The following SVEP1 variants were observed in gnomAD, a reference collection of about 807,000 sequenced individuals.
The protein encoded by SVEP1 is sushi, von Willebrand factor type A, EGF and pentraxin domain containing 1, also known as sushi, von Willebrand factor type A, EGF and pentraxin domain-containing protein 1.
In SVEP1, 164 loss-of-function variants were observed where a neutral mutation model predicts 367.3. The observed-to-expected ratio is 0.45, with a 90% CI of 0.39 to 0.51. The LOEUF (loss-of-function observed/expected upper bound fraction) is 0.51, where lower values mean the gene tolerates loss of function less well. Among genes scored for constraint, SVEP1 ranks in the 20% least tolerant of loss-of-function variants. The pLI is 0.00. For synonymous variants in SVEP1, 1,666 were observed against 1,611.6 expected, an observed-to-expected ratio of 1.03 and a Z score of -0.81; for missense variants, 4,117 against 4,425.3, an observed-to-expected ratio of 0.93 and a Z score of 1.98.
rs544260208 is a variant in SVEP1 at position 110,397,228 on chromosome 9, A to G, written c.9822+3626T>C. Among the ~76,000 whole-genome samples, 262 of 152,316 alleles carry G rather than the reference A, an allele frequency of 1.7e-3. 1 individual carries two copies. The highest frequency in any genetic ancestry group is 7.4e-3 in the Admixed American group (113 of 15,306). On this transcript the variant is annotated intron_variant, in intron 40 of 47. Transcript: ENST00000374469. ...AAATGTAATCCAGCATATAAACAGA[A>G]CCAAAGACAAAAACCACATGATTAT...
rs1337138313 is a variant in SVEP1 at position 110,404,362 on chromosome 9, A to G, written c.9631T>C (p.Tyr3211His). The stretch of plus-strand genomic sequence containing the variant: ...GATATGTTAACTCCCTCAAAGGTAT[A>G]CCCTTCTGCACATGACACAGAAACT... ...RQVSVSCAEG[Y>H]TFEGVNISVC... Residue 3211 changes from tyrosine to histidine, a missense_variant, in exon 39 of 48, where the codon TAT becomes CAT. This residue lies in a region of SVEP1 where 1,765 missense variants were observed against 1,781.1 expected (regional missense o/e 0.99). Coordinates refer to ENST00000374469, the MANE Select transcript of SVEP1 (RefSeq NM_153366.4). The G allele has an allele frequency of 6.2e-7, 1 of 1,613,966 alleles. No homozygotes were observed. The highest frequency in any genetic ancestry group is 1.7e-5 in the Admixed American group (1 of 60,016).
rs1827593378 is a variant in SVEP1, at chr9:110,389,568, C to T, written c.9842G>A (p.Cys3281Tyr). 6.2e-7 allele frequency: 1 copy of T among 1,613,726 alleles called. No individual in the cohort carries two copies. The highest frequency in any genetic ancestry group is 8.5e-7 in the Non-Finnish European group (1 of 1,179,774). The stretch of plus-strand genomic sequence containing the variant: ...TCCACTCCACTGTCTGTTCTCCTGG[C>T]AGACACGTTCCCTGTTCCCCTGTGA... ...YELEGNRERVCQENRQWSGGV... is the reference protein window; with the variant it reads ...YELEGNRERVYQENRQWSGGV... Residue 3281 changes from cysteine to tyrosine, a missense_variant, in exon 41 of 48, where the codon TGC (cysteine) becomes TAC (tyrosine). Around this residue, in one of 4 missense-constraint regions of SVEP1, gnomAD observed 1,765 missense variants for 1,781.1 expected, o/e 0.99. Transcript: ENST00000374469.
intron 40 of SVEP1, among the ~76,000 whole-genome samples, chr9:110,390,375 T>TTG (rs1827636543): frequency 2.3e-5 from 1 of 43,952 alleles, no homozygotes; most frequent in Non-Finnish European, 4.6e-5. Flanking sequence ...TTATATCTAC[T>TTG]TATATATATA....
chr9:110,508,542 A>C (rs1829658704), intron 5 of SVEP1, among the ~76,000 whole-genome samples: 4 of 152,140 alleles, frequency 2.6e-5, no homozygotes, highest in Middle Eastern at 3.4e-3. Flanking sequence ...CGGGTGGATC[A>C]TGAGGTCAGG....
chr9:110,411,514 T>A lies in SVEP1; in HGVS notation c.6197A>T (p.Lys2066Met). ...NSQLLCNAQG[K>M]WVPPEGQDMP... is the part of the protein sequence containing the mutation. ...GTCTTGACCTTCTGGGGGTACCCAC[T>A]TGCCCTGGGCATTGCAGAGAAGCTG... The change falls in exon 37 of 48, where the codon AAG (lysine) becomes ATG (methionine). Residue 2066 changes from lysine to methionine, a missense_variant. This residue lies in a region of SVEP1 where 2,174 missense variants were observed against 2,494.3 expected (regional missense o/e 0.87). Coordinates refer to ENST00000374469, the MANE Select transcript of SVEP1 (RefSeq NM_153366.4). 1 of 1,614,044 alleles carries A rather than the reference T, an allele frequency of 6.2e-7. No homozygotes were observed.
At position 110,411,269 on chromosome 9, in the gene SVEP1, C is replaced by T. The variant is rs1333908603; in HGVS notation, c.6442G>A (p.Glu2148Lys). Residue 2148 changes from glutamate to lysine, a missense_variant, in exon 37 of 48, where the codon GAG (glutamate) becomes AAG (lysine). By Grantham distance (56) the Glu-to-Lys change is moderately conservative. Transcript: ENST00000374469. ...TAGCCATTCATGATGCTTGGTGGCT[C>T]TCCACACCGCACAGGGATGCACTGG... Reference protein sequence around the residue: ...SIQCIPVRCGEPPSIMNGYAS... With the variant: ...SIQCIPVRCGKPPSIMNGYAS... 1 of 1,613,898 alleles carries T rather than the reference C, an allele frequency of 6.2e-7. No homozygotes were observed.
intron 42 of SVEP1, 125 bp from the exon 43 acceptor site, chr9:110,386,199 T>C: frequency 9.9e-7 from 1 of 1,007,738 alleles, no homozygotes; most frequent in East Asian, 2.8e-5. Context: ...GGTTTAAAAA[T>C]ATGGAACTCC....
intron 25 of SVEP1, among the ~76,000 whole-genome samples, 164 bp downstream of exon 25, chr9:110,446,736 T>A (rs1040290684): frequency 6.6e-6 from 1 of 152,210 alleles, no homozygotes; most frequent in Admixed American, 6.5e-5. Flanking sequence ...AGGATAATAG[T>A]AGTAGTACCT....
chr9:110,454,962 T>C (rs1262111302), intron 22 of SVEP1, among the ~76,000 whole-genome samples: 1 of 152,128 alleles, frequency 6.6e-6, no homozygotes, highest in African/African-American at 2.4e-5. Context: ...AAAATAAAAG[T>C]TGAAATTATT....
rs1338214800 is a variant in SVEP1 at position 110,469,072 on chromosome 9, G to T, written c.3028C>A (p.Leu1010Met). 3 of 1,613,430 alleles carry T rather than the reference G, an allele frequency of 1.9e-6. No individual in the cohort carries two copies. The Middle Eastern group carries it at 5.0e-4, about 266-fold the overall frequency. The change falls in exon 17 of 48, where the codon CTG becomes ATG. Residue 1010 changes from leucine to methionine, a missense_variant. Around this residue, in one of 4 missense-constraint regions of SVEP1, gnomAD observed 2,174 missense variants for 2,494.3 expected, o/e 0.87. Coordinates refer to ENST00000374469, the MANE Select transcript of SVEP1 (RefSeq NM_153366.4). ...CAGCTTTCACAGGTGAAATGTTCCA[G>T]ATTATAATAGGTTCCCAAAGGGCAA... ...VNCPLGTYYN[L>M]EHFTCESCRI...
Position 110,404,315 on chromosome 9 carries a change from A to C in SVEP1, c.9666+12T>G, listed in dbSNP as rs373128383. ...GTAGGCATTACACATTCTAATTAAG[A>C]CAGAATCTTACCTGACATACTGATA... On this transcript the variant is annotated intron_variant, in intron 39 of 47. Coordinates refer to ENST00000374469, the MANE Select transcript of SVEP1 (RefSeq NM_153366.4). 4.0e-5 allele frequency: 65 copies of C among 1,612,888 alleles called. No individual in the cohort carries two copies. The highest frequency in any genetic ancestry group is 3.3e-4 in the Middle Eastern group (2 of 6,016).
At chr9:110,474,649 G>A (rs1301232578) in intron 14 of SVEP1, among the ~76,000 whole-genome samples, 1 of 152,150 alleles carries the variant, frequency 6.6e-6, no homozygotes, top group Non-Finnish European at 1.5e-5. Context: ...AACCTGGATC[G>A]TGTTTAACAG....
At chr9:110,461,228 CA>C (rs1458250814) in intron 18 of SVEP1, among the ~76,000 whole-genome samples, 5 of 152,150 alleles carry the variant, frequency 3.3e-5, no homozygotes, top group Admixed American at 2.6e-4. Flanking sequence ...TAGCAGAGGG[CA>C]GGGGGACAGA....
chr9:110,379,160 C>T (rs143664520), intron 44 of SVEP1, among the ~76,000 whole-genome samples, 187 bp downstream of exon 44: 4 of 152,084 alleles, frequency 2.6e-5, no homozygotes, highest in Non-Finnish European at 4.4e-5. Flanking sequence ...AAGCACAGAA[C>T]CTAAGAGTTC....
intron 27 of SVEP1, 117 bp downstream of exon 27, chr9:110,443,428 G>C (rs1828543571): frequency 1.1e-6 from 1 of 943,240 alleles, no homozygotes; most frequent in Admixed American, 4.0e-5. Flanking sequence ...AAATAAGAGA[G>C]ATAGCTGTTA....
intron 1 of SVEP1, among the ~76,000 whole-genome samples, chr9:110,571,584 A>C (rs1187423400): frequency 2.6e-5 from 4 of 152,230 alleles, no homozygotes; most frequent in African/African-American, 9.6e-5. Flanking sequence ...TTTTCTACTC[A>C]AGGCTTAATT....
intron 5 of SVEP1, among the ~76,000 whole-genome samples, chr9:110,509,130 C>T (rs752679738): frequency 6.6e-6 from 1 of 152,150 alleles, no homozygotes; most frequent in Admixed American, 6.5e-5. Context: ...TTGTAAGACA[C>T]AACATTATTT....
In SVEP1 at chr9:110,539,891, A is replaced by C. The variant is rs115671179; in HGVS notation, c.964+6224T>G. Among the ~76,000 whole-genome samples, 707 of 152,174 alleles carry C rather than the reference A, an allele frequency of 4.6e-3. 4 individuals carry two copies. Among genetic ancestry groups the C allele is most frequent in the African/African-American group, 0.016 (659 of 41,554 alleles). Reference sequence around the variant, plus strand: ...ATTAATTTTTAAATGTTCTGTGACCAAAGTGGCTAGACTATAGACTGTGCA... The same window carrying C: ...ATTAATTTTTAAATGTTCTGTGACCCAAGTGGCTAGACTATAGACTGTGCA... On this transcript the variant is annotated intron_variant, in intron 3 of 47. Coordinates refer to ENST00000374469, the MANE Select transcript of SVEP1 (RefSeq NM_153366.4).
At chr9:110,532,266 A>G (rs1186582402) in intron 3 of SVEP1, among the ~76,000 whole-genome samples, 1 of 152,194 alleles carries the variant, frequency 6.6e-6, no homozygotes, top group Non-Finnish European at 1.5e-5. Flanking sequence ...CCTACCAAAC[A>G]TTATAATACC....
Sources: allele counts gnomAD v4.1 joint callset (sites outside exome capture counted in the v4.1 genomes callset), GRCh38; gene constraint gnomAD v4.1.1; regional missense constraint gnomAD v4.1.1; transcripts MANE v1.5; gene names NCBI Gene and HGNC (gene_info 2026-07-23, HGNC 2026-07-21).